Variants in PDZRN3 observed in about 807,000 individuals in gnomAD.
PDZRN3 encodes the protein PDZ domain containing ring finger 3.
Under a neutral mutation model 85.7 loss-of-function variants are expected in PDZRN3, and 38 were observed. The observed-to-expected ratio is 0.44, with a 90% CI of 0.34 to 0.58. The LOEUF (loss-of-function observed/expected upper bound fraction) is 0.58, where lower values mean the gene tolerates loss of function less well. PDZRN3 is among the 20% of genes least tolerant of loss of function. The pLI, the probability that PDZRN3 is intolerant of heterozygous loss-of-function variation, is 0.01. For synonymous variants in PDZRN3, 759 were observed against 638.0 expected, an observed-to-expected ratio of 1.19 and a Z score of -2.86; for missense variants, 1,629 against 1,506.4, an observed-to-expected ratio of 1.08 and a Z score of -1.35.
intron 3 of PDZRN3, among the ~76,000 whole-genome samples, chr3:73,535,352 T>C (rs1704757246): frequency 6.6e-6 from 1 of 152,188 alleles, no homozygotes; most frequent in Non-Finnish European, 1.5e-5. Flanking sequence ...CACTCCAATA[T>C]ATCATCAAGA....
chr3:73,543,560 AACAG>A (rs1410484590), intron 3 of PDZRN3, among the ~76,000 whole-genome samples: 1 of 152,232 alleles, frequency 6.6e-6, no homozygotes, highest in Non-Finnish European at 1.5e-5. Context: ...TAGGGTTTCT[AACAG>A]ACAAAGGATT....
At chr3:73,623,425 T>G (rs1270166091) in intron 1 of PDZRN3, 1 of 152,322 alleles carries the variant, frequency 6.6e-6, no homozygotes, top group African/African-American at 2.4e-5. Flanking sequence ...GATGAATACC[T>G]CAGGGGTGCC....
At chr3:73,462,765 C>T (rs1324256753) in intron 3 of PDZRN3, among the ~76,000 whole-genome samples, 1 of 152,030 alleles carries the variant, frequency 6.6e-6, no homozygotes, top group East Asian at 1.9e-4. Context: ...TTTAAGTGGC[C>T]ACCACCAGAT....
intron 3 of PDZRN3, among the ~76,000 whole-genome samples, chr3:73,494,863 A>G (rs945214096): frequency 4.6e-5 from 7 of 152,242 alleles, no homozygotes; most frequent in African/African-American, 1.7e-4. Context: ...GATATAGCTT[A>G]CTTTTCCAAC....
chr3:73,428,220 T>A (rs1702357038), intron 3 of PDZRN3, among the ~76,000 whole-genome samples: 2 of 152,082 alleles, frequency 1.3e-5, no homozygotes, highest in South Asian at 4.2e-4. Context: ...AGTGAGCAAG[T>A]GGGTGAGCAC....
intron 3 of PDZRN3, among the ~76,000 whole-genome samples, chr3:73,572,436 G>C (rs1326323790): frequency 6.6e-6 from 1 of 152,236 alleles, no homozygotes; most frequent in Non-Finnish European, 1.5e-5. Context: ...ACAGTGCTTA[G>C]AAATGTCATT....
chr3:73,413,768 C>T (rs190436775), intron 3 of PDZRN3, among the ~76,000 whole-genome samples: 18 of 152,088 alleles, frequency 1.2e-4, no homozygotes, highest in East Asian at 7.7e-4. Context: ...AGGTGGGGCC[C>T]GGAGGTGGAA....
At chr3:73,583,037 C>T (rs4677306) in intron 3 of PDZRN3, among the ~76,000 whole-genome samples, 50,465 of 152,098 alleles carry the variant, frequency 0.33, 10,339 homozygotes, top group South Asian at 0.45. Flanking sequence ...AGCCACTCAA[C>T]AATGGAAACT....
At chr3:73,456,612 T>C (rs1702982621) in intron 3 of PDZRN3, among the ~76,000 whole-genome samples, 1 of 152,224 alleles carries the variant, frequency 6.6e-6, no homozygotes, top group African/African-American at 2.4e-5. Context: ...ATAAAATGAC[T>C]GATAGGACAG....
intron 3 of PDZRN3, among the ~76,000 whole-genome samples, chr3:73,589,857 G>A (rs1702328264): frequency 6.6e-6 from 1 of 152,104 alleles, no homozygotes; most frequent in Non-Finnish European, 1.5e-5. Context: ...AGCCAACAAA[G>A]TGCTTGTGTT....
At chr3:73,607,789 C>T (rs1025476264) in intron 2 of PDZRN3, among the ~76,000 whole-genome samples, 7 of 152,162 alleles carry the variant, frequency 4.6e-5, no homozygotes, top group South Asian at 4.1e-4. Context: ...GACCACAGGG[C>T]CTCAGTCTTT....
At chr3:73,522,028 T>C (rs986615321) in intron 3 of PDZRN3, among the ~76,000 whole-genome samples, 11 of 152,198 alleles carry the variant, frequency 7.2e-5, no homozygotes, top group African/African-American at 2.7e-4. Context: ...TAATAATATT[T>C]TATGACATGT....
chr3:73,562,225 T>C (rs984165195), intron 3 of PDZRN3, among the ~76,000 whole-genome samples: 1 of 152,036 alleles, frequency 6.6e-6, no homozygotes, highest in African/African-American at 2.4e-5. Flanking sequence ...AACACATTAA[T>C]GTCCCACAGA....
At chr3:73,552,145 T>C (rs1701577061) in intron 3 of PDZRN3, among the ~76,000 whole-genome samples, 1 of 152,180 alleles carries the variant, frequency 6.6e-6, no homozygotes, top group South Asian at 2.1e-4. Context: ...CCTCGTCTTC[T>C]ATCCTCCCAG....
chr3:73,611,671 T>C (rs1702687133), intron 1 of PDZRN3, among the ~76,000 whole-genome samples: 1 of 152,202 alleles, frequency 6.6e-6, no homozygotes, highest in Admixed American at 6.5e-5. Context: ...CTCCAACTAA[T>C]TACCAAAGGT....
At chr3:73,466,287 GCAGT>G (rs759407047) in intron 3 of PDZRN3, among the ~76,000 whole-genome samples, 1 of 151,160 alleles carries the variant, frequency 6.6e-6, no homozygotes, top group Non-Finnish European at 1.5e-5. Flanking sequence ...CCAAACAAAT[GCAGT>G]TATCACAGGA....
At chr3:73,624,070 G>A (rs1026842149) in intron 1 of PDZRN3, 33 bp downstream of exon 1, 16 of 1,412,358 alleles carry the variant, frequency 1.1e-5, no homozygotes, top group Admixed American at 9.6e-5. Context: ...CAGGGATCCT[G>A]GCTGGAGGTC....
intron 6 of PDZRN3, among the ~76,000 whole-genome samples, chr3:73,390,657 G>GAC (rs1451745516): frequency 1.3e-5 from 2 of 150,990 alleles, no homozygotes; most frequent in Non-Finnish European, 3.0e-5. Flanking sequence ...GTGTGTGTGA[G>GAC]AGAGAGAGAG....
At chr3:73,527,243 A>C (rs1704545703) in intron 3 of PDZRN3, among the ~76,000 whole-genome samples, 1 of 152,182 alleles carries the variant, frequency 6.6e-6, no homozygotes, top group Non-Finnish European at 1.5e-5. Flanking sequence ...TCATGCAGGG[A>C]CTGGCATCAA....
Sources: gnomAD v4.1 joint callset for allele counts (sites outside exome capture counted in the v4.1 genomes callset) on GRCh38, gnomAD v4.1.1 for gene constraint, MANE v1.5 for transcripts, NCBI Gene and HGNC (gene_info 2026-07-23, HGNC 2026-07-21) for gene names.